The following EPPK1 variants were observed in gnomAD, a reference collection of about 807,000 sequenced individuals.
EPPK1 encodes the protein epiplakin 1, also known as epiplakin.
For synonymous variants in EPPK1, 1,862 were observed against 1,721.2 expected (o/e 1.08, Z -2.03); for missense variants, 3,823 against 3,673.3 (o/e 1.04, Z -1.05).
chr8:143,869,953 C>T lies in EPPK1; in HGVS notation c.3301G>A (p.Glu1101Lys). The change falls in exon 2 of 2, where the codon GAG (glutamate) becomes AAG (lysine). Residue 1101 changes from glutamate (E) to lysine (K), a missense_variant. Glu to Lys is a moderately conservative substitution (Grantham distance 56). Coordinates refer to ENST00000615648, the MANE Select transcript of EPPK1 (RefSeq NM_031308.4). ...CCAGAAGTCTCATCCCTGGGGCACTCCTCCAGGAGCTGGGCATAGCTCGTG... is the reference window on the plus strand; with the variant it reads ...CCAGAAGTCTCATCCCTGGGGCACTTCTCCAGGAGCTGGGCATAGCTCGTG... ...GRTSYAQLLE[E>K]CPRDETSGLH... is the part of the protein sequence containing the mutation. 1.2e-6 allele frequency: 2 copies of T among 1,607,770 alleles called. No individual in the cohort carries two copies. The highest frequency in any genetic ancestry group is 1.7e-6 in the Non-Finnish European group (2 of 1,177,202).
chr8:143,874,623 CT>C (rs1819445786), intron 1 of EPPK1, among the ~76,000 whole-genome samples: 1 of 152,200 alleles, frequency 6.6e-6, no homozygotes, highest in Admixed American at 6.5e-5. Flanking sequence ...CGCCTTCCGG[CT>C]TCTGGCCTCT....
Position 143,870,244 on chromosome 8 carries a change from C to T in EPPK1, c.3010G>A (p.Ala1004Thr). 2.5e-6 allele frequency: 4 copies of T among 1,602,222 alleles called. No homozygotes were observed. Among genetic ancestry groups the T allele is most frequent in the Non-Finnish European group, 3.4e-6 (4 of 1,175,910 alleles). ...CTGAAGCCAGCAATGGCACCCTCAGCCCGCTTCAGCCTGCCATACAGCTCC... is the reference window on the plus strand; with the variant it reads ...CTGAAGCCAGCAATGGCACCCTCAGTCCGCTTCAGCCTGCCATACAGCTCC... ...GPELYGRLKR[A>T]EGAIAGFRDP... The change falls in exon 2 of 2, where the codon GCT becomes ACT. Residue 1004 changes from alanine to threonine, a missense_variant. Ala to Thr is a moderately conservative substitution (Grantham distance 58). Coordinates refer to ENST00000615648, the MANE Select transcript of EPPK1 (RefSeq NM_031308.4). The surrounding 1 kb of genome is among the most constrained non-coding windows in gnomAD (Gnocchi z 5.2).
rs1176820628 is a variant in EPPK1, at chr8:143,866,388, G to T, written c.6866C>A (p.Ala2289Glu). ...LRLSVEEAVA[A>E]GVVGGEIQEK... ...CTGGATCTCGCCGCCCACCACGCCC[G>T]CGGCCACGGCCTCCTCCACCGACAG... The change falls in exon 2 of 2, where the codon GCG (alanine) becomes GAG (glutamate). Residue 2289 changes from alanine to glutamate, a missense_variant. Coordinates refer to ENST00000615648, the MANE Select transcript of EPPK1 (RefSeq NM_031308.4). 1.5e-5 allele frequency: 15 copies of T among 998,440 alleles called. No homozygotes were observed. In the East Asian group the frequency reaches 1.6e-4, roughly 11 times the overall value. 61.8% of individuals were successfully genotyped at this position (998,440 alleles called of 1,614,324 possible).
chr8:143,868,458 C>G lies in EPPK1; in HGVS notation c.4796G>C (p.Gly1599Ala), dbSNP rs1361430722. 2 of 1,612,256 alleles carry G rather than the reference C, an allele frequency of 1.2e-6. No individual in the cohort carries two copies. The highest frequency in any genetic ancestry group is 2.7e-5 in the African/African-American group (2 of 74,938). The change falls in exon 2 of 2, where the codon GGC becomes GCC. Residue 1599 changes from glycine (G) to alanine (A), a missense_variant. Transcript: ENST00000615648. The part of the protein sequence containing the change: ...EALRRHILRP[G>A]TALVLLEAQA... ...TGCCTCCAGCAGCACCAGGGCTGTGCCAGGCCGCAGGATGTGCCTCCTCAG... is the reference window on the plus strand; with the variant it reads ...TGCCTCCAGCAGCACCAGGGCTGTGGCAGGCCGCAGGATGTGCCTCCTCAG...
At position 143,872,020 on chromosome 8, in the gene EPPK1, G is replaced by A. The variant is rs140364895; in HGVS notation, c.1234C>T (p.Arg412Trp). The A allele has an allele frequency of 0.011, 17,339 of 1,565,312 alleles. 137 individuals are homozygous for A. Among genetic ancestry groups the A allele is most frequent in the Non-Finnish European group, 0.013 (14,534 of 1,157,634 alleles). ...GGLVCPARRL[R>W]LPLEAALRCG... ...CGCAGGGCGGCCTCCAGGGGCAGCC[G>A]GAGCCTGCGTGCTGGACAGACCAGC... The change falls in exon 2 of 2, where the codon CGG (arginine) becomes TGG (tryptophan). Residue 412 changes from arginine to tryptophan, a missense_variant. Transcript: ENST00000615648.
At position 143,871,767 on chromosome 8, in the gene EPPK1, G is replaced by A. The variant is rs782695903; in HGVS notation, c.1487C>T (p.Ala496Val). 2.5e-6 allele frequency: 4 copies of A among 1,610,774 alleles called. No individual in the cohort carries two copies. The South Asian group carries it at 3.3e-5, about 13-fold the overall frequency. The change falls in exon 2 of 2, where the codon GCC becomes GTC. Residue 496 changes from alanine (A) to valine (V), a missense_variant. Physicochemically the swap from Ala to Val is moderately conservative, Grantham distance 64. Transcript: ENST00000615648. ...CCGGAACTTCCCCACAGAGACGGTGGCTGTGGCCGTGCTCAGGGCCTGCCG... is the reference window on the plus strand; with the variant it reads ...CCGGAACTTCCCCACAGAGACGGTGACTGTGGCCGTGCTCAGGGCCTGCCG... ...STRQALSTATATVSVGKFRGR... is the reference protein window; with the variant it reads ...STRQALSTATVTVSVGKFRGR...
rs553724064 is a variant in EPPK1 at position 143,866,876 on chromosome 8, C to T, written c.6378G>A (p.Leu2126=). Reference sequence around the variant, plus strand: ...TCTCCTCTGTCACGTATTCGGAATTCAGTAGTGCCCACAGTGTTGGTTTCT... The same window carrying T: ...TCTCCTCTGTCACGTATTCGGAATTTAGTAGTGCCCACAGTGTTGGTTTCT... The part of the protein sequence containing the change: ...RGQKPTLWAL[L]NSEYVTEEKK... The change falls in exon 2 of 2, where the codon CTG becomes CTA. Residue 2126 remains leucine (L), a synonymous_variant. Transcript: ENST00000615648. The T allele has an allele frequency of 3.7e-6, 6 of 1,613,268 alleles. No individual in the cohort carries two copies. The South Asian group carries it at 4.4e-5, about 12-fold the overall frequency.
chr8:143,869,997 G>A lies in EPPK1; in HGVS notation c.3257C>T (p.Thr1086Ile), dbSNP rs1819285203. 6.2e-7 allele frequency: 1 copy of A among 1,609,304 alleles called. No homozygotes were observed. Among genetic ancestry groups the A allele is most frequent in the Non-Finnish European group, 8.5e-7 (1 of 1,178,034 alleles). Reference protein sequence around the residue: ...ALSSSSETFPTPDGQGRTSYA... With the variant: ...ALSSSSETFPIPDGQGRTSYA... ...GCTCGTGCGCCCCTGGCCGTCCGGT[G>A]TGGGGAAGGTTTCGGAGGAGCTGGA... Residue 1086 changes from threonine to isoleucine, a missense_variant, in exon 2 of 2, where the codon ACA becomes ATA. By Grantham distance (89) the Thr-to-Ile change is moderately conservative (BLOSUM62 -1). Coordinates refer to ENST00000615648, the MANE Select transcript of EPPK1 (RefSeq NM_031308.4).
At chr8:143,875,269 G>A (rs782764619) in intron 1 of EPPK1, among the ~76,000 whole-genome samples, 31 of 152,184 alleles carry the variant, frequency 2.0e-4, no homozygotes, top group Non-Finnish European at 2.9e-5. Flanking sequence ...TCTGAGGGCT[G>A]TCGAGGCTCG....
Position 143,869,647 on chromosome 8 carries a change from C to T in EPPK1, c.3607G>A (p.Val1203Ile), listed in dbSNP as rs782047020. ...RVMVPGPRGE[V>I]PAVWLLDAGI... Reference sequence around the variant, plus strand: ...GCATCCAGCAGCCAGACAGCGGGTACCTCACCCCGTGGGCCGGGCACCATG... The same window carrying T: ...GCATCCAGCAGCCAGACAGCGGGTATCTCACCCCGTGGGCCGGGCACCATG... The change falls in exon 2 of 2, where the codon GTA (valine) becomes ATA (isoleucine). Residue 1203 changes from valine (V) to isoleucine (I), a missense_variant. Coordinates refer to ENST00000615648, the MANE Select transcript of EPPK1 (RefSeq NM_031308.4). 4.4e-6 allele frequency: 7 copies of T among 1,590,862 alleles called. No individual in the cohort carries two copies. Among genetic ancestry groups the T allele is most frequent in the Non-Finnish European group, 5.1e-6 (6 of 1,169,246 alleles).
At position 143,871,796 on chromosome 8, in the gene EPPK1, G is replaced by A. The variant is rs782320198; in HGVS notation, c.1458C>T (p.Ser486=). 6 of 1,612,060 alleles carry A rather than the reference G, an allele frequency of 3.7e-6. No homozygotes were observed. In the Admixed American group the frequency reaches 8.3e-5, roughly 22 times the overall value. ...TGGCCGTGCTCAGGGCCTGCCGAGT[G>A]CTGTACTTGATGAATGGGGGTCCCT... The part of the protein sequence containing the change: ...EPQGPPFIKY[S]TRQALSTATA... Residue 486 remains serine (S), a synonymous_variant, in exon 2 of 2, where the codon AGC becomes AGT. Coordinates refer to ENST00000615648, the MANE Select transcript of EPPK1 (RefSeq NM_031308.4).
Position 143,869,967 on chromosome 8 carries a change from G to T in EPPK1, c.3287C>A (p.Ala1096Asp), listed in dbSNP as rs1554660558. 6.2e-7 allele frequency: 1 copy of T among 1,606,832 alleles called. No homozygotes were observed. The highest frequency in any genetic ancestry group is 8.5e-7 in the Non-Finnish European group (1 of 1,176,732). ...CCTGGGGCACTCCTCCAGGAGCTGG[G>T]CATAGCTCGTGCGCCCCTGGCCGTC... is the stretch of plus-strand genomic sequence containing the variant. ...TPDGQGRTSY[A>D]QLLEECPRDE... The change falls in exon 2 of 2, where the codon GCC (alanine) becomes GAC (aspartate). Residue 1096 changes from alanine (A) to aspartate (D), a missense_variant. Physicochemically the swap from Ala to Asp is moderately radical, Grantham distance 126. Coordinates refer to ENST00000615648, the MANE Select transcript of EPPK1 (RefSeq NM_031308.4).
intron 1 of EPPK1, among the ~76,000 whole-genome samples, chr8:143,875,671 G>A (rs544265961): frequency 2.6e-5 from 4 of 152,394 alleles, no homozygotes; most frequent in Admixed American, 2.6e-4. Context: ...GCGCCACAGG[G>A]ATGCCTGGGC....
At position 143,865,322 on chromosome 8, in the gene EPPK1, G is replaced by A; in HGVS notation, c.7932C>T (p.Thr2644=). 7.9e-6 allele frequency: 3 copies of A among 380,858 alleles called. No homozygotes were observed. Among genetic ancestry groups the A allele is most frequent in the South Asian group, 5.0e-5 (1 of 20,060 alleles). 23.6% of individuals were successfully genotyped at this position (380,858 alleles called of 1,614,324 possible). The change falls in exon 2 of 2, where the codon ACC becomes ACT. Residue 2644 remains threonine, a synonymous_variant. Coordinates refer to ENST00000615648, the MANE Select transcript of EPPK1 (RefSeq NM_031308.4). ...GGAACTGCCCGCGCTGCACCTCCAT[G>A]GTGGCATCACGCAGGGTCTGCTCCT... The part of the protein sequence containing the change: ...RRQEQTLRDA[T]MEVQRGQFQG...
At position 143,872,879 on chromosome 8, in the gene EPPK1, G is replaced by A; in HGVS notation, c.375C>T (p.Pro125=). 6.3e-7 allele frequency: 1 copy of A among 1,590,110 alleles called. No individual in the cohort carries two copies. The highest frequency in any genetic ancestry group is 8.6e-7 in the Non-Finnish European group (1 of 1,168,462). ...AERATTGYPD[P]YGGEKLALFQ... Reference sequence around the variant, plus strand: ...AGAGGGCCAGCTTCTCACCGCCGTAGGGGTCAGGATAGCCCGTAGTGGCAC... The same window carrying A: ...AGAGGGCCAGCTTCTCACCGCCGTAAGGGTCAGGATAGCCCGTAGTGGCAC... Residue 125 remains proline, a synonymous_variant, in exon 2 of 2, where the codon CCC becomes CCT. Coordinates refer to ENST00000615648, the MANE Select transcript of EPPK1 (RefSeq NM_031308.4).
chr8:143,866,759 C>G lies in EPPK1; in HGVS notation c.6495G>C (p.Gln2165His), dbSNP rs373872149. 1.2e-6 allele frequency: 2 copies of G among 1,613,402 alleles called. No homozygotes were observed. Among genetic ancestry groups the G allele is most frequent in the African/African-American group, 2.7e-5 (2 of 74,924 alleles). ...ACCACAGGTGTTTGTTGCTGGTTTC[C>G]TGCTTCTCGATCAACTCTAAGATGA... ...AQLILELIEK[Q>H]ETSNKHLWFQ... The change falls in exon 2 of 2, where the codon CAG (glutamine) becomes CAC (histidine). Residue 2165 changes from glutamine (Q) to histidine (H), a missense_variant. Physicochemically the swap from Gln to His is conservative, Grantham distance 24. Coordinates refer to ENST00000615648, the MANE Select transcript of EPPK1 (RefSeq NM_031308.4).
intron 1 of EPPK1, among the ~76,000 whole-genome samples, chr8:143,875,206 C>T (rs1554662193): frequency 6.6e-6 from 1 of 152,194 alleles, no homozygotes; most frequent in Non-Finnish European, 1.5e-5. Flanking sequence ...CTGGGTCCTC[C>T]CCATCCCCTC....
chr8:143,857,932 A>C lies in EPPK1; in HGVS notation c.*55T>G. ...AAAAAAAAAAAAACAACCCAGACAC[A>C]CAAGTATGCCTCCACTTCTCCAGAG... On this transcript the variant is annotated 3_prime_UTR_variant, in exon 2 of 2. Transcript: ENST00000615648. 1.0e-6 allele frequency: 1 copy of C among 981,722 alleles called. No individual in the cohort carries two copies. The highest frequency in any genetic ancestry group is 1.5e-6 in the Non-Finnish European group (1 of 689,240). The allele number at this position is 981,722 out of a possible 1,614,324, so 60.8% of individuals were successfully genotyped here.
In EPPK1 at chr8:143,867,098, T is replaced by G; in HGVS notation, c.6156A>C (p.Lys2052Asn). ...ALISDQKHMR[K>N]RFVDPNTQEK... ...CTTGCGTGTTCGGGTCCACAAACCG[T>G]TTCCTCATGTGCTTCTGGTCGGAAA... Residue 2052 changes from lysine to asparagine, a missense_variant, in exon 2 of 2, where the codon AAA becomes AAC. By Grantham distance (94) the Lys-to-Asn change is moderately conservative. Coordinates refer to ENST00000615648, the MANE Select transcript of EPPK1 (RefSeq NM_031308.4). 6.2e-7 allele frequency: 1 copy of G among 1,612,914 alleles called. No homozygotes were observed. Among genetic ancestry groups the G allele is most frequent in the Non-Finnish European group, 8.5e-7 (1 of 1,179,832 alleles).
Sources: allele counts gnomAD v4.1 joint callset (sites outside exome capture counted in the v4.1 genomes callset), GRCh38; gene constraint gnomAD v4.1.1; non-coding constraint Gnocchi (gnomAD v3.1); transcripts MANE v1.5; gene names NCBI Gene and HGNC (gene_info 2026-07-23, HGNC 2026-07-21).